Variants in IPCEF1 observed in about 807,000 individuals in gnomAD.
IPCEF1 encodes the protein interactor protein for cytohesin exchange factors 1.
A neutral mutation model predicts 50.9 loss-of-function variants in IPCEF1; 31 were observed. The ratio of observed to expected loss-of-function variants is 0.61; its 90% CI spans 0.46 to 0.82. IPCEF1 has a LOEUF of 0.82. Among genes scored for constraint, IPCEF1 ranks in the 40% least tolerant of loss-of-function variants. The pLI, the probability that IPCEF1 is intolerant of heterozygous loss-of-function variation, is 0.00. For synonymous variants in IPCEF1, 181 were observed against 192.0 expected (o/e 0.94, Z 0.47); for missense variants, 458 against 514.0 (o/e 0.89, Z 1.05).
intron 5 of IPCEF1, among the ~76,000 whole-genome samples, chr6:154,227,857 C>T (rs1779382151): frequency 6.6e-6 from 1 of 152,036 alleles, no homozygotes; most frequent in African/African-American, 2.4e-5. Context: ...TGGGTGAAAA[C>T]ACCTTAGTGT....
At chr6:154,323,975 G>A (rs1783457222) in intron 1 of IPCEF1, among the ~76,000 whole-genome samples, 1 of 152,078 alleles carries the variant, frequency 6.6e-6, no homozygotes, top group Non-Finnish European at 1.5e-5. Flanking sequence ...TATACACAGA[G>A]GGAAGGTACA....
At chr6:154,254,054 T>G (rs1045252150) in intron 3 of IPCEF1, among the ~76,000 whole-genome samples, 62 of 152,222 alleles carry the variant, frequency 4.1e-4, no homozygotes, top group African/African-American at 1.5e-3. Context: ...TTCTTTAGAA[T>G]AAGACATTGG....
chr6:154,170,292 A>G (rs535937869), intron 10 of IPCEF1, among the ~76,000 whole-genome samples: 6 of 152,352 alleles, frequency 3.9e-5, no homozygotes, highest in East Asian at 3.9e-4. Flanking sequence ...AGCTTGAAAG[A>G]GGACTCTATA....
intron 1 of IPCEF1, among the ~76,000 whole-genome samples, chr6:154,318,712 CAAAAA>C (rs57436031): frequency 2.0e-5 from 2 of 98,824 alleles, no homozygotes; most frequent in Non-Finnish European, 2.0e-5. Context: ...GACCCTGTCT[CAAAAA>C]AAAAAAAAAA....
At chr6:154,297,726 T>C (rs1782699559) in intron 1 of IPCEF1, among the ~76,000 whole-genome samples, 1 of 152,228 alleles carries the variant, frequency 6.6e-6, no homozygotes, top group South Asian at 2.1e-4. Flanking sequence ...TTTGAAAATT[T>C]GTAACATAAC....
chr6:154,343,374 G>A (rs1783959435), intron 1 of IPCEF1, among the ~76,000 whole-genome samples: 1 of 152,192 alleles, frequency 6.6e-6, no homozygotes, highest in Non-Finnish European at 1.5e-5. Flanking sequence ...TATTCAATTA[G>A]TGGAAAGAAG....
At chr6:154,203,333 G>A (rs965537603) in intron 9 of IPCEF1, among the ~76,000 whole-genome samples, 2 of 152,178 alleles carry the variant, frequency 1.3e-5, no homozygotes, top group African/African-American at 4.8e-5. Flanking sequence ...TTTGCCTGGT[G>A]CTTCTGCGGT....
chr6:154,212,762 G>A lies in IPCEF1; in HGVS notation c.537+8C>T, dbSNP rs568861279. On this transcript the variant is annotated splice_region_variant and intron_variant, in intron 9 of 11. Coordinates refer to ENST00000367220, the MANE Select transcript of IPCEF1 (RefSeq NM_001130700.2). ...GATGACCAACAGACTACTTATGTCG[G>A]TACATACCAAAGACTGAGTCTGGGA... 6.3e-7 allele frequency: 1 copy of A among 1,586,848 alleles called. No homozygotes were observed.
intron 5 of IPCEF1, among the ~76,000 whole-genome samples, chr6:154,239,273 T>C (rs1304139395): frequency 1.3e-5 from 2 of 152,300 alleles, no homozygotes; most frequent in East Asian, 3.9e-4. Context: ...CAACTACAGA[T>C]AATGTGGCCA....
At chr6:154,265,226 A>G (rs13437557) in intron 3 of IPCEF1, among the ~76,000 whole-genome samples, 24,801 of 152,212 alleles carry the variant, frequency 0.16, 2,546 homozygotes, top group East Asian at 0.23. Context: ...ATCTTAGGCA[A>G]ACATATGACC....
intron 3 of IPCEF1, among the ~76,000 whole-genome samples, chr6:154,253,121 C>T (rs999235026): frequency 5.9e-5 from 9 of 152,056 alleles, no homozygotes; most frequent in African/African-American, 2.2e-4. Flanking sequence ...TACTCCTTCC[C>T]TTTTTCATTT....
At chr6:154,328,700 T>A (rs926982717) in intron 1 of IPCEF1, among the ~76,000 whole-genome samples, 4 of 152,248 alleles carry the variant, frequency 2.6e-5, no homozygotes, top group African/African-American at 9.6e-5. Flanking sequence ...CTCAAGTGTG[T>A]CCTTTGACTT....
intron 1 of IPCEF1, among the ~76,000 whole-genome samples, chr6:154,315,978 G>A (rs1783208034): frequency 6.6e-6 from 1 of 152,056 alleles, no homozygotes; most frequent in Non-Finnish European, 1.5e-5. Context: ...TTGTGCCTCA[G>A]CCTCCCAAGT....
At chr6:154,216,068 G>A (rs1192140562) in intron 7 of IPCEF1, among the ~76,000 whole-genome samples, 3 of 152,086 alleles carry the variant, frequency 2.0e-5, no homozygotes, top group African/African-American at 7.2e-5. Flanking sequence ...GCAATTTGAT[G>A]ATAATATTAA....
At chr6:154,192,318 C>CTGTGTGTGTGTGTGTGTGTG (rs56231733) in intron 10 of IPCEF1, among the ~76,000 whole-genome samples, 4 of 148,028 alleles carry the variant, frequency 2.7e-5, no homozygotes, top group African/African-American at 7.5e-5. Flanking sequence ...CACGTGGTTA[C>CTGTGTGTGTGTGTGTGTGTG]TGTGTGTGTG....
intron 1 of IPCEF1, among the ~76,000 whole-genome samples, chr6:154,323,475 A>C (rs1384061792): frequency 6.6e-6 from 1 of 152,236 alleles, no homozygotes; most frequent in Non-Finnish European, 1.5e-5. Flanking sequence ...TTTACAAATA[A>C]ACGTTTATTT....
intron 5 of IPCEF1, among the ~76,000 whole-genome samples, chr6:154,242,887 C>CAAAGAAAAGA (rs10692865): frequency 1.1e-4 from 16 of 151,580 alleles, no homozygotes; most frequent in African/African-American, 2.2e-4. Flanking sequence ...GACTCCGTCT[C>CAAAGAAAAGA]AAAGAAAAGA....
At chr6:154,246,243 G>C (rs1450272184) in intron 5 of IPCEF1, among the ~76,000 whole-genome samples, 1 of 152,138 alleles carries the variant, frequency 6.6e-6, no homozygotes, top group Non-Finnish European at 1.5e-5. Context: ...ACTATGTAAA[G>C]GTGCCATGTT....
At chr6:154,288,667 CAAAAAAAACAAAAAAAAAAAA>C (rs773180584) in intron 2 of IPCEF1, among the ~76,000 whole-genome samples, 2 of 112,648 alleles carry the variant, frequency 1.8e-5, no homozygotes, top group African/African-American at 3.2e-5. Context: ...GTCTAAAAAA[CAAAAAAAACAAAAAAAAAAAA>C]AAAAAAAAAA....
Sources: allele counts gnomAD v4.1 joint callset (sites outside exome capture counted in the v4.1 genomes callset), GRCh38; gene constraint gnomAD v4.1.1; transcripts MANE v1.5; gene names NCBI Gene and HGNC (gene_info 2026-07-23, HGNC 2026-07-21).